Variants in RPS6KA3 observed in about 807,000 individuals in gnomAD.
RPS6KA3 encodes ribosomal protein S6 kinase A3, also known as ribosomal protein S6 kinase alpha-3.
RPS6KA3 carries 4 observed loss-of-function variants against 67.2 expected under a neutral mutation model. The ratio of observed to expected loss-of-function variants is 0.06; its 90% confidence interval spans 0.03 to 0.14. The LOEUF (loss-of-function observed/expected upper bound fraction) is 0.14. Ranked by LOEUF, RPS6KA3 falls within the 10% of genes least tolerant of loss-of-function variation. The probability of loss-of-function intolerance (pLI) is 1.00; values close to 1 mark genes in which losing one functional copy is unlikely to be tolerated. For missense variants in RPS6KA3, 204 were observed against 559.0 expected (o/e 0.36, Z 6.40); for synonymous variants, 182 against 183.7 (o/e 0.99, Z 0.07).
At chrX:20,171,099 T>C (rs1340785586) in intron 15 of RPS6KA3, among the ~76,000 whole-genome samples, 1 of 112,212 alleles carries the variant, frequency 8.9e-6, no homozygotes, top group East Asian at 2.8e-4. Context: ...AATAACACTT[T>C]CTTTTCTCTA....
chrX:20,216,747 C>T (rs897669159), intron 2 of RPS6KA3, among the ~76,000 whole-genome samples: 7 of 110,987 alleles, frequency 6.3e-5, no homozygotes, highest in Admixed American at 5.8e-4. Flanking sequence ...CACACCTGGA[C>T]ACTAGAGTTT....
rs1300303296 is a variant in RPS6KA3, at chrX:20,191,797, G to A, written c.593+1690C>T. Among the ~76,000 whole-genome samples the A allele has an allele frequency of 3.6e-5, 4 of 109,798 alleles. No homozygotes were observed. In the South Asian group the frequency reaches 1.6e-3, roughly 43 times the overall value. ...TTCTTTTTTTTTGAGACTGAGTTTCGCTCTTGTCACCCAGGCTGGAGTGCA... is the reference window on the plus strand; with the variant it reads ...TTCTTTTTTTTTGAGACTGAGTTTCACTCTTGTCACCCAGGCTGGAGTGCA... On this transcript the variant is annotated intron_variant, in intron 7 of 21. Transcript: ENST00000379565.
chrX:20,266,743 C>T lies in RPS6KA3; in HGVS notation c.-111G>A. 1 of 270,549 alleles carries T rather than the reference C, an allele frequency of 3.7e-6. No homozygotes were observed. Among genetic ancestry groups the T allele is most frequent in the Non-Finnish European group, 4.3e-6 (1 of 232,090 alleles). 22.3% of individuals were successfully genotyped at this position (270,549 alleles called of 1,213,427 possible). A position where few individuals can be genotyped will look rare whatever the true frequency, so the allele number is the denominator to read the frequency against. On this transcript the variant is annotated 5_prime_UTR_variant, in exon 1 of 22. Transcript: ENST00000379565. ...ACGGCAGCGGCGGCGGCGGCGGCGG[C>T]GGCGGCAGCGGCAGCGGCAGCGGCA...
intron 15 of RPS6KA3, among the ~76,000 whole-genome samples, chrX:20,170,541 A>G (rs2067547166): frequency 9.0e-6 from 1 of 111,456 alleles, no homozygotes; most frequent in Admixed American, 9.6e-5. Context: ...GGTGAAAATG[A>G]TGAGGAAAAA....
intron 16 of RPS6KA3, among the ~76,000 whole-genome samples, chrX:20,168,352 A>T (rs778717056): frequency 2.7e-5 from 3 of 111,743 alleles, no homozygotes; most frequent in Admixed American, 9.6e-5. Flanking sequence ...TAAAGAAAAT[A>T]GATGGTGTTG....
chrX:20,202,002 G>A (rs1346731894), intron 4 of RPS6KA3, among the ~76,000 whole-genome samples: 2 of 90,748 alleles, frequency 2.2e-5, no homozygotes, highest in Admixed American at 1.3e-4. Flanking sequence ...TTTTTGAGAC[G>A]GAGTTTTGCT....
chrX:20,260,095 T>G (rs1057095880), intron 1 of RPS6KA3, among the ~76,000 whole-genome samples: 1 of 111,607 alleles, frequency 9.0e-6, no homozygotes, highest in African/African-American at 3.3e-5. Flanking sequence ...CATATTAATT[T>G]CCTTCCCTAA....
intron 10 of RPS6KA3, among the ~76,000 whole-genome samples, chrX:20,186,004 A>G (rs1356792590): frequency 8.9e-6 from 1 of 111,973 alleles, no homozygotes; most frequent in Admixed American, 9.5e-5. Flanking sequence ...CAGTGGTGTG[A>G]TATCAGCTCA....
intron 2 of RPS6KA3, among the ~76,000 whole-genome samples, chrX:20,232,644 ATAAT>A (rs1451524455): frequency 8.9e-6 from 1 of 112,383 alleles, no homozygotes; most frequent in Admixed American, 9.4e-5. Flanking sequence ...TGAAAGGCAC[ATAAT>A]TAATGTTTAA....
intron 2 of RPS6KA3, among the ~76,000 whole-genome samples, chrX:20,231,009 G>T (rs887074199): frequency 1.9e-4 from 21 of 110,419 alleles, no homozygotes; most frequent in African/African-American, 6.9e-4. Flanking sequence ...GCCCAGGCTG[G>T]AGTGCAGTGG....
intron 4 of RPS6KA3, among the ~76,000 whole-genome samples, chrX:20,197,903 G>A (rs2068315564): frequency 9.0e-6 from 1 of 111,678 alleles, no homozygotes; most frequent in South Asian, 3.7e-4. Flanking sequence ...TTCTTCTAGA[G>A]TAGTTATTAG....
At chrX:20,265,062 G>T (rs962584972) in intron 1 of RPS6KA3, among the ~76,000 whole-genome samples, 1 of 111,797 alleles carries the variant, frequency 8.9e-6, no homozygotes, top group South Asian at 3.7e-4. Context: ...TTAAAAACAT[G>T]ATTTCCTTTC....
intron 10 of RPS6KA3, among the ~76,000 whole-genome samples, chrX:20,184,581 T>C (rs1032641815): frequency 4.6e-5 from 5 of 108,222 alleles, no homozygotes. Flanking sequence ...AATTTTTTTA[T>C]CTTTTATTTT....
chrX:20,197,857 T>C (rs1030386106), intron 4 of RPS6KA3, among the ~76,000 whole-genome samples: 1 of 112,168 alleles, frequency 8.9e-6, no homozygotes, highest in African/African-American at 3.2e-5. Flanking sequence ...TACTGACTCA[T>C]GCTGGCAAAG....
At chrX:20,216,519 A>G (rs1245975413) in intron 2 of RPS6KA3, among the ~76,000 whole-genome samples, 1 of 111,575 alleles carries the variant, frequency 9.0e-6, no homozygotes, top group Non-Finnish European at 1.9e-5. Context: ...AGGTTAGAAC[A>G]TGATAAATAC....
chrX:20,219,233 TA>T (rs2148756223), intron 2 of RPS6KA3, among the ~76,000 whole-genome samples: 1 of 111,929 alleles, frequency 8.9e-6, no homozygotes, highest in South Asian at 3.7e-4. Flanking sequence ...TATGACCCTT[TA>T]AAACAACTGA....
intron 2 of RPS6KA3, among the ~76,000 whole-genome samples, chrX:20,217,399 G>C (rs1334672127): frequency 8.9e-6 from 1 of 112,718 alleles, no homozygotes; most frequent in Non-Finnish European, 1.9e-5. Context: ...TGCTAACTAA[G>C]AAAACAAACT....
intron 17 of RPS6KA3, among the ~76,000 whole-genome samples, chrX:20,166,405 T>C (rs987170837): frequency 5.4e-5 from 6 of 111,476 alleles, no homozygotes; most frequent in African/African-American, 1.6e-4. Context: ...CAAGTTACAA[T>C]ACTAGGCAAA....
intron 3 of RPS6KA3, among the ~76,000 whole-genome samples, chrX:20,205,361 G>A (rs904495953): frequency 8.9e-6 from 1 of 112,618 alleles, no homozygotes; most frequent in African/African-American, 3.2e-5. Context: ...ATTAAGTTTA[G>A]GATCAGCTTT....
Sources: allele counts gnomAD v4.1 joint callset (sites outside exome capture counted in the v4.1 genomes callset), GRCh38; gene constraint gnomAD v4.1.1; transcripts MANE v1.5; gene names NCBI Gene and HGNC (gene_info 2026-07-23, HGNC 2026-07-21).